The following SYNE2 variants were observed in gnomAD, a reference collection of about 807,000 sequenced individuals.
The protein encoded by SYNE2 is nesprin-2.
SYNE2 carries 431 observed loss-of-function variants against 856.3 expected under a neutral mutation model. The ratio of observed to expected loss-of-function variants is 0.50; its 90% CI spans 0.47 to 0.55. SYNE2 has a LOEUF of 0.55. SYNE2 is among the 20% of genes least tolerant of loss of function. SYNE2 has a pLI of 0.00. For missense variants in SYNE2, 8,129 were observed against 8,023.2 expected (o/e 1.01, Z -0.50); for synonymous variants, 2,923 against 2,872.3 (o/e 1.02, Z -0.56).
chr14:64,084,585 A>T (rs1018210068), intron 57 of SYNE2: 1 of 195,482 alleles, frequency 5.1e-6, no homozygotes, highest in Non-Finnish European at 1.1e-5. Flanking sequence ...TGCATAGTTA[A>T]TTATTTGATT....
chr14:63,978,374 AG>A (rs752066917), intron 13 of SYNE2, among the ~76,000 whole-genome samples: 9 of 152,182 alleles, frequency 5.9e-5, no homozygotes, highest in Non-Finnish European at 1.3e-4. Flanking sequence ...AAATGGGAGG[AG>A]GGATATGAAA....
intron 54 of SYNE2, 36 bp from the exon 55 acceptor site, chr14:64,078,430 C>T: frequency 6.2e-7 from 1 of 1,611,562 alleles, no homozygotes; most frequent in Non-Finnish European, 8.5e-7. Context: ...TGCAGACAAC[C>T]TCTCTAAGCC....
At chr14:63,881,752 A>G (rs143930005) in intron 1 of SYNE2, among the ~76,000 whole-genome samples, 21 of 152,186 alleles carry the variant, frequency 1.4e-4, no homozygotes, top group Admixed American at 3.3e-4. Context: ...TGCTTATTCA[A>G]CACCACTCGA....
rs369761281 is a variant in SYNE2 at position 64,011,466 on chromosome 14, C to G, written c.4728+1350C>G. Among the ~76,000 whole-genome samples, 219 of 152,262 alleles carry G rather than the reference C, an allele frequency of 1.4e-3. 9 individuals carry two copies. The South Asian group carries it at 0.044, about 31-fold the overall frequency. On this transcript the variant is annotated intron_variant, in intron 32 of 115. Transcript: ENST00000555002. ...AGAGAATCCAGCATGTTCAGCCTTA[C>G]CAGATCCTCTCGGGCTTGTGTCCCA...
At chr14:64,041,022 A>C (rs1279130852) in intron 45 of SYNE2, among the ~76,000 whole-genome samples, 1 of 152,174 alleles carries the variant, frequency 6.6e-6, no homozygotes. Flanking sequence ...TAAATTTCTC[A>C]ACATGGAAAG....
At chr14:63,993,383 TCAAAA>T (rs2096684596) in intron 21 of SYNE2, among the ~76,000 whole-genome samples, 1 of 152,114 alleles carries the variant, frequency 6.6e-6, no homozygotes, top group Non-Finnish European at 1.5e-5. Flanking sequence ...CGATCCTATC[TCAAAA>T]CAAAAAACAA....
Position 64,125,102 on chromosome 14 carries a change from A to G in SYNE2, c.13446A>G (p.Leu4482=). Residue 4482 remains leucine (L), a synonymous_variant, in exon 71 of 116, where the codon CTA becomes CTG. Transcript: ENST00000555002. The stretch of plus-strand genomic sequence containing the variant: ...AGGTTTCCACAAATATGGGTATTCT[A>G]CCCAGCGTGACTATGTATAACTTTA... ...EPQVSTNMGI[L]PSVTMYNFRY... The G allele has an allele frequency of 6.2e-7, 1 of 1,614,188 alleles. No homozygotes were observed. The highest frequency in any genetic ancestry group is 8.5e-7 in the Non-Finnish European group (1 of 1,180,028).
intron 57 of SYNE2, chr14:64,087,280 C>T: frequency 5.7e-6 from 2 of 352,206 alleles, no homozygotes; most frequent in East Asian, 6.4e-5. Flanking sequence ...ATGGAATTAC[C>T]TGAAGAGTAC....
chr14:64,045,794 C>T (rs748180998), intron 45 of SYNE2, among the ~76,000 whole-genome samples: 1 of 152,214 alleles, frequency 6.6e-6, no homozygotes, highest in Non-Finnish European at 1.5e-5. Flanking sequence ...CCAGTTAAAA[C>T]TGGTGAAGCT....
chr14:63,969,317 T>G (rs1018711951), intron 11 of SYNE2, among the ~76,000 whole-genome samples: 1 of 149,806 alleles, frequency 6.7e-6, no homozygotes, highest in Non-Finnish European at 1.5e-5. Flanking sequence ...TACAGGTGCA[T>G]GCCACCATGC....
intron 108 of SYNE2, among the ~76,000 whole-genome samples, chr14:64,217,569 GAAT>G (rs2098672375): frequency 6.6e-6 from 1 of 152,118 alleles, no homozygotes; most frequent in Admixed American, 6.5e-5. Flanking sequence ...TTTTTAAAAA[GAAT>G]AATAAGACAG....
chr14:64,197,637 C>T (rs191535533), intron 99 of SYNE2, among the ~76,000 whole-genome samples: 6 of 152,220 alleles, frequency 3.9e-5, no homozygotes, highest in East Asian at 1.9e-4. Context: ...TTTTTTTGTT[C>T]ACTTAGACTG....
At position 64,167,596 on chromosome 14, in the gene SYNE2, C is replaced by T; in HGVS notation, c.16862C>T (p.Ala5621Val). The T allele has an allele frequency of 1.2e-6, 2 of 1,614,220 alleles. No homozygotes were observed. The highest frequency in any genetic ancestry group is 1.7e-6 in the Non-Finnish European group (2 of 1,180,036). The change falls in exon 92 of 116, where the codon GCT becomes GTT. Residue 5621 changes from alanine to valine, a missense_variant. This residue lies in a region of SYNE2 where 5,410 missense variants were observed against 5,284.8 expected (regional missense o/e 1.02). Coordinates refer to ENST00000555002, the MANE Select transcript of SYNE2 (RefSeq NM_182914.3). ...KIEEALKVDV[A>V]NSLPELLEQQ... Reference sequence around the variant, plus strand: ...GAAGAAGCACTCAAAGTGGATGTGGCTAACAGCCTTCCTGAGCTCCTGGAG... The same window carrying T: ...GAAGAAGCACTCAAAGTGGATGTGGTTAACAGCCTTCCTGAGCTCCTGGAG...
At chr14:64,087,906 G>T (rs578150565) in intron 58 of SYNE2, 50 bp downstream of exon 58, 1 of 1,589,232 alleles carries the variant, frequency 6.3e-7, no homozygotes, top group Non-Finnish European at 8.6e-7. Flanking sequence ...TAGAGGCTGG[G>T]CAATGGTGGC....
In SYNE2 at chr14:64,141,341, G is replaced by T; in HGVS notation, c.14977G>T (p.Glu4993Ter). 6.2e-7 allele frequency: 1 copy of T among 1,612,172 alleles called. No homozygotes were observed. The highest frequency in any genetic ancestry group is 1.1e-5 in the South Asian group (1 of 90,488). Reference protein sequence around the residue: ...TIRSNINNFFEFSKEVDEKSS... With the variant: ...TIRSNINNFF ...TCTAAATTTTAAAACTCTCCTTTAG[G>T]AGTTTTCAAAAGAAGTTGATGAAAA... The change falls in exon 81 of 116, where the codon GAG becomes TAG. Residue 4993 changes from glutamate (E) to a stop codon, truncating the protein, a stop_gained and splice_region_variant. Coordinates refer to ENST00000555002, the MANE Select transcript of SYNE2 (RefSeq NM_182914.3). LOFTEE classifies it high-confidence loss of function.
Position 63,920,813 on chromosome 14 carries a change from A to G in SYNE2, c.79+11586A>G, listed in dbSNP as rs181661702. ...ATGGGAGAAGGAGAGGGAAGGATGT[A>G]TCAAAGATGATAGGTTTTGGCCGGG... On this transcript the variant is annotated intron_variant, in intron 2 of 115. Coordinates refer to ENST00000555002, the MANE Select transcript of SYNE2 (RefSeq NM_182914.3). 1.1e-3 allele frequency among the ~76,000 whole-genome samples: 172 copies of G among 152,130 alleles called. 2 individuals carry two copies. The highest frequency in any genetic ancestry group is 1.7e-3 in the Non-Finnish European group (114 of 67,974).
At chr14:63,966,748 T>C (rs1436252236) in intron 10 of SYNE2, among the ~76,000 whole-genome samples, 2 of 151,934 alleles carry the variant, frequency 1.3e-5, no homozygotes, top group South Asian at 2.1e-4. Flanking sequence ...TTGATCGATA[T>C]GGGGTTTTGC....
At position 64,002,084 on chromosome 14, in the gene SYNE2, A is replaced by G. The variant is rs756857821; in HGVS notation, c.3786+3A>G. The G allele has an allele frequency of 3.1e-6, 5 of 1,601,928 alleles. No individual in the cohort carries two copies. The highest frequency in any genetic ancestry group is 1.1e-5 in the South Asian group (1 of 90,806). ...ATCGCATCTATCAACACCTAAGGGT[A>G]AGTATATAAGTTCTCACAGTGTATT... On this transcript the variant is annotated splice_donor_region_variant and intron_variant, in intron 29 of 115. Transcript: ENST00000555002.
Position 64,159,317 on chromosome 14 carries a change from G to T in SYNE2, c.15969G>T (p.Leu5323=). 6.2e-7 allele frequency: 1 copy of T among 1,613,874 alleles called. No homozygotes were observed. Among genetic ancestry groups the T allele is most frequent in the East Asian group, 2.2e-5 (1 of 44,874 alleles). Residue 5323 remains leucine, a synonymous_variant, in exon 87 of 116, where the codon CTG becomes CTT. Coordinates refer to ENST00000555002, the MANE Select transcript of SYNE2 (RefSeq NM_182914.3). ...LRCQVENLQS[L]QDEAESSEGS... ...TTCTTGTTTGTGTCTCTTAGTCTCT[G>T]CAAGATGAAGCTGAGAGCAGTGAAG...
Sources: gnomAD v4.1 joint callset for allele counts (sites outside exome capture counted in the v4.1 genomes callset) on GRCh38, gnomAD v4.1.1 for gene constraint, gnomAD v4.1.1 regional missense constraint, MANE v1.5 for transcripts, NCBI Gene and HGNC (gene_info 2026-07-23, HGNC 2026-07-21) for gene names.